The following HECW2 variants were observed in gnomAD, a reference collection of about 807,000 sequenced individuals.
The protein encoded by HECW2 is E3 ubiquitin-protein ligase HECW2.
In HECW2, 61 loss-of-function variants were observed where a neutral mutation model predicts 175.2. That is an observed-to-expected ratio of 0.35 (90% CI 0.28 to 0.43). The LOEUF is 0.43. Among genes scored for constraint, HECW2 ranks in the 20% least tolerant of loss-of-function variants. HECW2 has a pLI of 1.00. For synonymous variants in HECW2, 671 were observed against 731.0 expected (o/e 0.92, Z 1.32); for missense variants, 1,524 against 2,000.5 (o/e 0.76, Z 4.54).
chr2:196,545,205 C>T (rs543216151), intron 1 of HECW2, among the ~76,000 whole-genome samples: 7 of 152,312 alleles, frequency 4.6e-5, no homozygotes, highest in South Asian at 2.1e-4. Flanking sequence ...CAAAATTTTA[C>T]CTCTGGGAAC....
chr2:196,452,775 GTGAC>G (rs1559118334), intron 1 of HECW2, among the ~76,000 whole-genome samples: 1 of 149,860 alleles, frequency 6.7e-6, no homozygotes, highest in Non-Finnish European at 1.5e-5. Flanking sequence ...GATCAAATGA[GTGAC>G]TGACCCCAAA....
intron 1 of HECW2, among the ~76,000 whole-genome samples, chr2:196,520,958 G>A (rs1050531931): frequency 1.3e-5 from 2 of 152,160 alleles, no homozygotes; most frequent in Admixed American, 6.5e-5. Flanking sequence ...AGGATTTATA[G>A]AAGAAAGTAG....
intron 1 of HECW2, among the ~76,000 whole-genome samples, chr2:196,471,458 T>C (rs1297474163): frequency 6.6e-6 from 1 of 152,196 alleles, no homozygotes; most frequent in East Asian, 1.9e-4. Context: ...AGCAATCCTA[T>C]TATTGGATAT....
At chr2:196,496,720 G>A (rs1280296178) in intron 1 of HECW2, among the ~76,000 whole-genome samples, 2 of 152,090 alleles carry the variant, frequency 1.3e-5, no homozygotes, top group Non-Finnish European at 2.9e-5. Context: ...GAGATAGTAG[G>A]TATGAAATAC....
chr2:196,496,216 T>C (rs1360771317), intron 1 of HECW2, among the ~76,000 whole-genome samples: 1 of 151,948 alleles, frequency 6.6e-6, no homozygotes, highest in Non-Finnish European at 1.5e-5. Flanking sequence ...TATGTGTGTG[T>C]GTGTCTGTGT....
intron 2 of HECW2, among the ~76,000 whole-genome samples, chr2:196,373,957 G>A (rs1023786040): frequency 6.6e-6 from 1 of 151,142 alleles, no homozygotes; most frequent in African/African-American, 2.4e-5. Context: ...GCGTGAACCC[G>A]GGAGGCGGAG....
chr2:196,485,966 A>G (rs1394161519), intron 1 of HECW2, among the ~76,000 whole-genome samples: 3 of 152,240 alleles, frequency 2.0e-5, no homozygotes, highest in Non-Finnish European at 4.4e-5. Context: ...GAATCAATTC[A>G]GAATTAGCTT....
chr2:196,224,245 G>T (rs147412047), intron 23 of HECW2, among the ~76,000 whole-genome samples: 1 of 152,152 alleles, frequency 6.6e-6, no homozygotes, highest in East Asian at 1.9e-4. Flanking sequence ...ATACTTTTAC[G>T]TAGGGAAACT....
chr2:196,238,881 C>T (rs1688350187), intron 21 of HECW2: 1 of 152,220 alleles, frequency 6.6e-6, no homozygotes. Context: ...TGATAAACGT[C>T]TGTTCTATTC....
intron 19 of HECW2, among the ~76,000 whole-genome samples, chr2:196,246,528 G>T (rs1688649920): frequency 6.6e-6 from 1 of 151,920 alleles, no homozygotes; most frequent in Admixed American, 6.6e-5. Flanking sequence ...TGGACTACAG[G>T]CGTCTGCCAC....
At chr2:196,290,645 A>G (rs1476401235) in intron 14 of HECW2, 1 of 152,178 alleles carries the variant, frequency 6.6e-6, no homozygotes, top group African/African-American at 2.4e-5. Flanking sequence ...ACTCTTTTAT[A>G]CCCAGGTATA....
At chr2:196,305,711 C>T (rs1456515798) in intron 13 of HECW2, among the ~76,000 whole-genome samples, 1 of 151,910 alleles carries the variant, frequency 6.6e-6, no homozygotes, top group Non-Finnish European at 1.5e-5. Flanking sequence ...GCCTACTTAC[C>T]CACCAAATCT....
chr2:196,292,782 C>A, intron 13 of HECW2, 32 bp from the exon 14 acceptor site: 3 of 1,561,582 alleles, frequency 1.9e-6, no homozygotes, highest in Non-Finnish European at 2.6e-6. Flanking sequence ...CAATGTTAAC[C>A]CACTTGTGAC....
At chr2:196,240,410 C>T in intron 21 of HECW2, 39 bp downstream of exon 21, 1 of 1,407,320 alleles carries the variant, frequency 7.1e-7, no homozygotes, top group Non-Finnish European at 9.7e-7. Context: ...CTTGTGGCCA[C>T]AGCCTATGTT....
chr2:196,460,486 CTTTTTT>C (rs3082153), intron 1 of HECW2, among the ~76,000 whole-genome samples: 1 of 142,896 alleles, frequency 7.0e-6, no homozygotes, highest in African/African-American at 2.5e-5. Flanking sequence ...CCGATTAAAC[CTTTTTT>C]TTTTTTTTTG....
At chr2:196,330,742 C>T (rs777293007) in intron 4 of HECW2, among the ~76,000 whole-genome samples, 9 of 152,102 alleles carry the variant, frequency 5.9e-5, no homozygotes, top group African/African-American at 1.2e-4. Flanking sequence ...TAACAAGAAT[C>T]CCCCTAAGCT....
At chr2:196,575,940 C>CCCT (rs969592213) in intron 1 of HECW2, among the ~76,000 whole-genome samples, 7 of 150,580 alleles carry the variant, frequency 4.6e-5, no homozygotes, top group African/African-American at 1.7e-4. Flanking sequence ...GGGATCCACC[C>CCCT]CCTCATAAAT....
At chr2:196,567,021 C>T (rs1381354754) in intron 1 of HECW2, among the ~76,000 whole-genome samples, 1 of 152,098 alleles carries the variant, frequency 6.6e-6, no homozygotes, top group Non-Finnish European at 1.5e-5. Context: ...GGAGAGAAAA[C>T]ACCTGCCTGC....
chr2:196,278,990 T>C (rs541692199), intron 14 of HECW2, among the ~76,000 whole-genome samples: 88 of 152,294 alleles, frequency 5.8e-4, no homozygotes, highest in African/African-American at 2.0e-3. Flanking sequence ...CTGATGGTCT[T>C]TGAGCTCTTA....
Sources: gnomAD v4.1 joint callset for allele counts (sites outside exome capture counted in the v4.1 genomes callset) on GRCh38, gnomAD v4.1.1 for gene constraint, MANE v1.5 for transcripts, NCBI Gene and HGNC (gene_info 2026-07-23, HGNC 2026-07-21) for gene names.